The following EFHD1 variants were observed in gnomAD, a reference collection of about 807,000 sequenced individuals.
EFHD1 encodes EF-hand domain-containing protein D1.
A neutral mutation model predicts 17.2 loss-of-function variants in EFHD1; 10 were observed. That is an observed-to-expected ratio of 0.58 (90% CI 0.36 to 0.99). EFHD1 has a LOEUF of 0.99. Among genes scored for constraint, EFHD1 ranks in the 50% least tolerant of loss-of-function variants. The probability of loss-of-function intolerance (pLI) is 0.01; values close to 1 mark genes in which losing one functional copy is unlikely to be tolerated. For synonymous variants in EFHD1, 153 were observed against 142.0 expected, an observed-to-expected ratio of 1.08 and a Z score of -0.55; for missense variants, 310 against 327.5, an observed-to-expected ratio of 0.95 and a Z score of 0.41.
At chr2:232,660,198 ATTTAT>A (rs1559352039) in intron 1 of EFHD1, among the ~76,000 whole-genome samples, 1,486 of 60,462 alleles carry the variant, frequency 0.025, 26 homozygotes, top group African/African-American at 0.085. Context: ...TTATTTATTT[ATTTAT>A]TTTTTTTTTG....
chr2:232,675,916 C>T (rs1695163259), intron 3 of EFHD1, among the ~76,000 whole-genome samples: 1 of 152,156 alleles, frequency 6.6e-6, no homozygotes, highest in Non-Finnish European at 1.5e-5. Flanking sequence ...TGGCTCACAT[C>T]TGTAATCGCA....
intron 1 of EFHD1, among the ~76,000 whole-genome samples, chr2:232,624,835 C>A (rs1454851745): frequency 6.6e-6 from 1 of 152,100 alleles, no homozygotes; most frequent in Non-Finnish European, 1.5e-5. Flanking sequence ...CGCTTACAGC[C>A]TCTGTTTTTC....
intron 2 of EFHD1, among the ~76,000 whole-genome samples, chr2:232,665,357 G>A: frequency 6.6e-6 from 1 of 152,100 alleles, no homozygotes; most frequent in African/African-American, 2.4e-5. Context: ...AATTTCATGT[G>A]TTAGATGTGT....
At chr2:232,623,959 T>C (rs1478764249) in intron 1 of EFHD1, among the ~76,000 whole-genome samples, 2 of 151,938 alleles carry the variant, frequency 1.3e-5, no homozygotes, top group Admixed American at 6.6e-5. Flanking sequence ...CGACCAGATG[T>C]AGGGGCAGAC....
At chr2:232,672,077 A>G (rs958271982) in intron 2 of EFHD1, among the ~76,000 whole-genome samples, 8 of 152,156 alleles carry the variant, frequency 5.3e-5, no homozygotes, top group African/African-American at 1.9e-4. Context: ...AAAAGTTTGA[A>G]TCGGTTTACA....
intron 2 of EFHD1, among the ~76,000 whole-genome samples, chr2:232,667,189 G>A (rs967247617): frequency 6.6e-6 from 1 of 152,088 alleles, no homozygotes; most frequent in African/African-American, 2.4e-5. Flanking sequence ...CCAAGCAGAC[G>A]AATACAGTGG....
At chr2:232,639,699 A>G (rs1442938757) in intron 1 of EFHD1, among the ~76,000 whole-genome samples, 1 of 152,128 alleles carries the variant, frequency 6.6e-6, no homozygotes, top group Non-Finnish European at 1.5e-5. Context: ...CGAATGGCCT[A>G]AGAGTCCACA....
At chr2:232,620,991 G>A (rs1694008500) in intron 1 of EFHD1, among the ~76,000 whole-genome samples, 1 of 152,110 alleles carries the variant, frequency 6.6e-6, no homozygotes, top group African/African-American at 2.4e-5. Context: ...GGGCACGGAT[G>A]GCAAGGAATG....
At chr2:232,633,474 C>T (rs536159328), upstream of EFHD1, 70 of 1,242,450 alleles carry the variant, frequency 5.6e-5, no homozygotes, top group African/African-American at 1.0e-3. Flanking sequence ...CAGACACCGG[C>T]GGCCTCCTCC....
At chr2:232,641,359 C>T (rs142030490) in intron 1 of EFHD1, among the ~76,000 whole-genome samples, 4 of 152,198 alleles carry the variant, frequency 2.6e-5, no homozygotes, top group East Asian at 3.9e-4. Context: ...AGAAATGGAA[C>T]GAAAGGTCTT....
chr2:232,658,561 A>G (rs1337199916), intron 1 of EFHD1, among the ~76,000 whole-genome samples: 1 of 152,234 alleles, frequency 6.6e-6, no homozygotes, highest in African/African-American at 2.4e-5. Context: ...ACACTTGTAT[A>G]TGAACGTTCA....
At chr2:232,677,274 T>TACACACACACAC (rs36180788) in intron 3 of EFHD1, among the ~76,000 whole-genome samples, 35 of 141,348 alleles carry the variant, frequency 2.5e-4, no homozygotes, top group Admixed American at 9.5e-4. Flanking sequence ...AACACACACA[T>TACACACACACAC]ACACACACAC....
At chr2:232,623,468 G>A (rs1372121491) in intron 1 of EFHD1, among the ~76,000 whole-genome samples, 1 of 151,798 alleles carries the variant, frequency 6.6e-6, no homozygotes, top group Non-Finnish European at 1.5e-5. Flanking sequence ...GAAGCCAGGA[G>A]TTCGAGACCA....
chr2:232,631,782 G>A (rs185520574), upstream of EFHD1, among the ~76,000 whole-genome samples: 545 of 149,292 alleles, frequency 3.7e-3, 7 homozygotes, highest in African/African-American at 0.013. Context: ...TGGGAGGATC[G>A]TCTGAGGCTA....
chr2:232,680,801 G>A (rs1362973585), intron 3 of EFHD1, among the ~76,000 whole-genome samples: 1 of 151,792 alleles, frequency 6.6e-6, no homozygotes, highest in African/African-American at 2.4e-5. Flanking sequence ...GAGTCACCGC[G>A]CCCAGCCCAG....
Position 232,634,000 on chromosome 2 carries a change from T to A in EFHD1, c.296T>A (p.Phe99Tyr). The change falls in exon 1 of 4, where the codon TTC becomes TAC. Residue 99 changes from phenylalanine to tyrosine, a missense_variant. By Grantham distance (22) the Phe-to-Tyr change is conservative. Coordinates refer to ENST00000264059, the MANE Select transcript of EFHD1 (RefSeq NM_025202.4). ...RRLIKDLESM[F>Y]KLYDAGRDGF... ...CTCATCAAGGACCTGGAGAGCATGTTCAAACTGTGAGCTCCCGCTGCGCGC... is the reference window on the plus strand; with the variant it reads ...CTCATCAAGGACCTGGAGAGCATGTACAAACTGTGAGCTCCCGCTGCGCGC... 6.3e-7 allele frequency: 1 copy of A among 1,597,466 alleles called. No homozygotes were observed. The highest frequency in any genetic ancestry group is 1.1e-5 in the South Asian group (1 of 91,066).
At chr2:232,612,389 T>C (rs1574697619) in intron 1 of EFHD1, among the ~76,000 whole-genome samples, 1 of 152,168 alleles carries the variant, frequency 6.6e-6, no homozygotes, top group African/African-American at 2.4e-5. Context: ...AAAAGACTTG[T>C]ATCCAGAATA....
chr2:232,680,273 TAAA>T (rs532500309), intron 3 of EFHD1, among the ~76,000 whole-genome samples: 1 of 143,200 alleles, frequency 7.0e-6, no homozygotes, highest in East Asian at 2.0e-4. Context: ...AGACTCTGTC[TAAA>T]AAAAAAAAAG....
At chr2:232,645,440 TG>T (rs1385007132) in intron 1 of EFHD1, among the ~76,000 whole-genome samples, 15 of 152,242 alleles carry the variant, frequency 9.9e-5, no homozygotes, top group African/African-American at 3.4e-4. Context: ...CACCCCTCAC[TG>T]AGCACCCACT....
Sources: allele counts gnomAD v4.1 joint callset (sites outside exome capture counted in the v4.1 genomes callset), GRCh38; gene constraint gnomAD v4.1.1; transcripts MANE v1.5; gene names NCBI Gene and HGNC (gene_info 2026-07-23, HGNC 2026-07-21).